Variants in USP47 observed in about 807,000 individuals in gnomAD.
The protein encoded by USP47 is ubiquitin specific peptidase 47.
Under a neutral mutation model 165.1 loss-of-function variants are expected in USP47, and 35 were observed. The observed-to-expected ratio is 0.21, with a 90% CI of 0.16 to 0.28. The LOEUF (loss-of-function observed/expected upper bound fraction) is 0.28, where lower values mean the gene tolerates loss of function less well. Among genes scored for constraint, USP47 ranks in the 10% least tolerant of loss-of-function variants. The pLI is 1.00. For synonymous variants in USP47, 531 were observed against 544.5 expected, an observed-to-expected ratio of 0.98 and a Z score of 0.35; for missense variants, 1,277 against 1,607.4, an observed-to-expected ratio of 0.79 and a Z score of 3.52.
rs1394550778 is a variant in USP47, at chr11:11,936,397, A to T, written c.1964A>T (p.Glu655Val). ...TATCTAGAACGGTCATATGAAGGAG[A>T]AGAAGATACACCAATGGGGCTTCTA... ...HDYLERSYEG[E>V]EDTPMGLLLG... The change falls in exon 17 of 28, where the codon GAA becomes GTA. Residue 655 changes from glutamate to valine, a missense_variant. Physicochemically the swap from Glu to Val is moderately radical, Grantham distance 121 (BLOSUM62 -2). Around this residue, in one of 4 missense-constraint regions of USP47, gnomAD observed 909 missense variants for 1,068.1 expected, o/e 0.85. Coordinates refer to ENST00000527733, the MANE Select transcript of USP47 (RefSeq NM_001282659.2). 1 of 1,610,646 alleles carries T rather than the reference A, an allele frequency of 6.2e-7. No homozygotes were observed. The highest frequency in any genetic ancestry group is 1.7e-5 in the Admixed American group (1 of 59,784).
rs189621819 is a variant in USP47 at position 11,922,035 on chromosome 11, T to A, written c.1219-689T>A. On this transcript the variant is annotated intron_variant, in intron 10 of 27. Transcript: ENST00000527733. ...GCCTTATACATTTCAAAAGCCTGCA[T>A]CTTAGAAAATTCTCAAATTATTTAA... Among the ~76,000 whole-genome samples the A allele has an allele frequency of 5.3e-5, 8 of 152,010 alleles. No homozygotes were observed. The East Asian group carries it at 1.5e-3, about 29-fold the overall frequency.
intron 8 of USP47, among the ~76,000 whole-genome samples, chr11:11,916,986 CAA>C (rs1192352295): frequency 2.1e-5 from 3 of 145,056 alleles, no homozygotes; most frequent in Admixed American, 6.6e-5. Flanking sequence ...CATGTCTCTA[CAA>C]AAAAATAAAA....
chr11:11,905,642 A>G (rs1170020421), intron 8 of USP47, 94 bp downstream of exon 8: 13 of 1,254,054 alleles, frequency 1.0e-5, no homozygotes, highest in African/African-American at 3.0e-5. Flanking sequence ...ATCATCCTAG[A>G]TACACCTTCT....
chr11:11,928,170 T>C (rs1319381676), intron 11 of USP47, among the ~76,000 whole-genome samples: 2 of 152,206 alleles, frequency 1.3e-5, no homozygotes, highest in East Asian at 1.9e-4. Flanking sequence ...TGATAAGATA[T>C]TCATATCATT....
intron 5 of USP47, among the ~76,000 whole-genome samples, chr11:11,899,403 G>A (rs1414411501): frequency 6.6e-6 from 1 of 152,214 alleles, no homozygotes; most frequent in African/African-American, 2.4e-5. Context: ...CTGTGTGCTA[G>A]GCATTCTTTT....
chr11:11,902,408 A>G (rs1157279133), intron 5 of USP47, among the ~76,000 whole-genome samples: 1 of 152,160 alleles, frequency 6.6e-6, no homozygotes, highest in African/African-American at 2.4e-5. Flanking sequence ...TTTGTGAATT[A>G]ATAATTAGGA....
intron 5 of USP47, among the ~76,000 whole-genome samples, chr11:11,902,369 C>G (rs1050842933): frequency 6.6e-6 from 1 of 152,088 alleles, no homozygotes; most frequent in African/African-American, 2.4e-5. Flanking sequence ...TAGTATCTCA[C>G]GTAATAGTAT....
chr11:11,861,844 A>G (rs554812342), intron 1 of USP47, among the ~76,000 whole-genome samples: 72 of 152,310 alleles, frequency 4.7e-4, no homozygotes, highest in Middle Eastern at 3.4e-3. Flanking sequence ...AACAAATGTG[A>G]TATAGTGACA....
At chr11:11,929,948 A>G (rs1317002222) in intron 12 of USP47, 96 bp from the exon 13 acceptor site, 2 of 984,912 alleles carry the variant, frequency 2.0e-6, no homozygotes, top group South Asian at 2.9e-5. Flanking sequence ...GGTCTTTGAT[A>G]GCATTTAACT....
intron 11 of USP47, among the ~76,000 whole-genome samples, chr11:11,928,061 G>T (rs1186816059): frequency 6.6e-6 from 1 of 151,964 alleles, no homozygotes. Context: ...AGATAATTAT[G>T]TTGGCTTTGA....
At chr11:11,870,550 T>A (rs1590262486) in intron 1 of USP47, among the ~76,000 whole-genome samples, 1 of 152,184 alleles carries the variant, frequency 6.6e-6, no homozygotes, top group Non-Finnish European at 1.5e-5. Context: ...GGATGCAAAT[T>A]CTTTGAGTTT....
chr11:11,897,959 G>A (rs1851947451), intron 5 of USP47, among the ~76,000 whole-genome samples: 1 of 152,066 alleles, frequency 6.6e-6, no homozygotes, highest in African/African-American at 2.4e-5. Context: ...TCCCTCTCTT[G>A]TAGCCTTAAC....
intron 4 of USP47, among the ~76,000 whole-genome samples, chr11:11,896,353 G>C (rs748978057): frequency 6.6e-6 from 1 of 152,086 alleles, no homozygotes; most frequent in Non-Finnish European, 1.5e-5. Context: ...ACCTTGTAAG[G>C]CTCCAAGTAG....
rs182918027 is a variant in USP47 at position 11,861,264 on chromosome 11, T to G, written c.40-18913T>G. On this transcript the variant is annotated intron_variant, in intron 1 of 27. Coordinates refer to ENST00000527733, the MANE Select transcript of USP47 (RefSeq NM_001282659.2). ...CATGTGCCACCATGCCCAGCTAATT[T>G]TTGTATTTTTTAGTAGAGACGGGGT... is the stretch of plus-strand genomic sequence containing the variant. Among the ~76,000 whole-genome samples, 5 of 152,178 alleles carry G rather than the reference T, an allele frequency of 3.3e-5. No homozygotes were observed. The East Asian group carries it at 9.7e-4, about 29-fold the overall frequency.
Position 11,958,133 on chromosome 11 carries a change from A to G in USP47, c.*1958A>G, listed in dbSNP as rs143000577. The stretch of plus-strand genomic sequence containing the variant: ...AAAGGACTGACTTGCTATCACACAA[A>G]AGAGGCAGACTTGTAAACACAATGG... On this transcript the variant is annotated 3_prime_UTR_variant, in exon 28 of 28. Coordinates refer to ENST00000527733, the MANE Select transcript of USP47 (RefSeq NM_001282659.2). The G allele has an allele frequency of 6.6e-6, 1 of 152,296 alleles. No homozygotes were observed. Among genetic ancestry groups the G allele is most frequent in the Non-Finnish European group, 1.5e-5 (1 of 68,028 alleles). 9.4% of individuals were successfully genotyped at this position (152,296 alleles called of 1,614,324 possible).
At chr11:11,898,496 G>A (rs1258652557) in intron 5 of USP47, among the ~76,000 whole-genome samples, 1 of 151,878 alleles carries the variant, frequency 6.6e-6, no homozygotes, top group East Asian at 1.9e-4. Context: ...TAATCTGTCA[G>A]CTTGTTATCT....
intron 1 of USP47, among the ~76,000 whole-genome samples, chr11:11,862,878 T>C (rs541808826): frequency 2.4e-4 from 36 of 152,296 alleles, no homozygotes; most frequent in South Asian, 6.2e-4. Flanking sequence ...TTTTGTTACA[T>C]GCATAGATTG....
intron 3 of USP47, among the ~76,000 whole-genome samples, chr11:11,885,743 C>T (rs1851117738): frequency 1.3e-5 from 2 of 152,182 alleles, no homozygotes. Flanking sequence ...CATTGTTCTG[C>T]AGGCCCCACT....
At chr11:11,915,862 G>A (rs930430620) in intron 8 of USP47, among the ~76,000 whole-genome samples, 1 of 152,002 alleles carries the variant, frequency 6.6e-6, no homozygotes, top group African/African-American at 2.4e-5. Context: ...TCTCAGTGGT[G>A]GATCTACTTT....
Sources: allele counts gnomAD v4.1 joint callset (sites outside exome capture counted in the v4.1 genomes callset), GRCh38; gene constraint gnomAD v4.1.1; regional missense constraint gnomAD v4.1.1; transcripts MANE v1.5; gene names NCBI Gene and HGNC (gene_info 2026-07-23, HGNC 2026-07-21).